The following SLX4IP variants were observed in gnomAD, a reference collection of about 807,000 sequenced individuals.
SLX4IP encodes the protein SLX4 interacting protein.
SLX4IP carries 34 observed loss-of-function variants against 32.9 expected under a neutral mutation model. The ratio of observed to expected loss-of-function variants is 1.03; its 90% CI spans 0.79 to 1.38. SLX4IP has a LOEUF of 1.38. Ranked by LOEUF, SLX4IP falls within the 40% of genes most tolerant of loss-of-function variation. The pLI is 0.00. For missense variants in SLX4IP, 444 were observed against 479.0 expected (o/e 0.93, Z 0.68); for synonymous variants, 172 against 171.7 (o/e 1.00, Z -0.01).
chr20:10,497,277 T>C (rs551050120), intron 2 of SLX4IP, among the ~76,000 whole-genome samples: 118 of 152,306 alleles, frequency 7.7e-4, no homozygotes, highest in African/African-American at 2.8e-3. Flanking sequence ...TCAACAGATA[T>C]TTTCTGTGAA....
rs2067161802 is a variant in SLX4IP at position 10,625,445 on chromosome 20, C to T, written c.*2066C>T. 6.6e-6 allele frequency: 1 copy of T among 152,198 alleles called. No individual in the cohort carries two copies. The highest frequency in any genetic ancestry group is 1.5e-5 in the Non-Finnish European group (1 of 68,044). 9.4% of individuals were successfully genotyped at this position (152,198 alleles called of 1,614,324 possible). ...TATTTGAGCTGGAGCCACCAGAGAA[C>T]ATTTCTATTGAGAAGTTTTTATTTG... is the stretch of plus-strand genomic sequence containing the variant. On this transcript the variant is annotated 3_prime_UTR_variant, in exon 8 of 8. Coordinates refer to ENST00000334534, the MANE Select transcript of SLX4IP (RefSeq NM_001009608.3).
At chr20:10,524,997 A>C (rs537780813) in intron 2 of SLX4IP, among the ~76,000 whole-genome samples, 9 of 152,036 alleles carry the variant, frequency 5.9e-5, no homozygotes, top group Non-Finnish European at 1.3e-4. Flanking sequence ...CTCTGCACCT[A>C]TCCTCCCCTT....
intron 7 of SLX4IP, 67 bp from the exon 8 acceptor site, chr20:10,622,592 A>T: frequency 6.6e-7 from 1 of 1,522,658 alleles, no homozygotes; most frequent in South Asian, 1.3e-5. Context: ...AATGTGGTAG[A>T]GGGAATCTGG....
At chr20:10,463,329 A>G (rs927605527) in intron 2 of SLX4IP, among the ~76,000 whole-genome samples, 6 of 152,178 alleles carry the variant, frequency 3.9e-5, no homozygotes, top group Admixed American at 2.0e-4. Flanking sequence ...TATGGAAGGC[A>G]ATTGTGTTCC....
chr20:10,498,827 T>A (rs949265096), intron 2 of SLX4IP, among the ~76,000 whole-genome samples: 2 of 152,028 alleles, frequency 1.3e-5, no homozygotes, highest in African/African-American at 4.8e-5. Context: ...CTCTAATTTT[T>A]AAAAATTTCC....
chr20:10,523,302 A>G (rs1347589951), intron 2 of SLX4IP, among the ~76,000 whole-genome samples: 1 of 152,166 alleles, frequency 6.6e-6, no homozygotes, highest in Non-Finnish European at 1.5e-5. Context: ...ATTTGTTTCT[A>G]ATGATAAAAG....
chr20:10,552,938 A>G (rs958530119), intron 2 of SLX4IP, among the ~76,000 whole-genome samples: 3 of 152,034 alleles, frequency 2.0e-5, no homozygotes. Flanking sequence ...TTAGATTAAA[A>G]AATCAGGAAA....
Position 10,622,665 on chromosome 20 carries a change from A to G in SLX4IP, c.513A>G (p.Lys171=). 1 of 1,605,392 alleles carries G rather than the reference A, an allele frequency of 6.2e-7. No individual in the cohort carries two copies. The highest frequency in any genetic ancestry group is 8.5e-7 in the Non-Finnish European group (1 of 1,176,400). ...TCATTTTTGTTTGTTTCAGTGTGAA[A>G]AGAACTGAAACAAAAAGCAGTGTCA... ...LRRNALKEIV[K]RTETKSSVTS... is the part of the protein sequence containing the mutation. Residue 171 remains lysine, a synonymous_variant, in exon 8 of 8, where the codon AAA becomes AAG. Transcript: ENST00000334534.
At chr20:10,485,506 A>G (rs1486328889) in intron 2 of SLX4IP, among the ~76,000 whole-genome samples, 1 of 151,992 alleles carries the variant, frequency 6.6e-6, no homozygotes, top group East Asian at 1.9e-4. Context: ...AATCCCAGCT[A>G]CTCAGAAGAC....
At chr20:10,567,676 A>C (rs766467275) in intron 4 of SLX4IP, among the ~76,000 whole-genome samples, 4 of 152,204 alleles carry the variant, frequency 2.6e-5, no homozygotes, top group African/African-American at 7.2e-5. Flanking sequence ...CACTCTATAT[A>C]ACTTTTCCCC....
chr20:10,501,102 C>A (rs971435411), intron 2 of SLX4IP, among the ~76,000 whole-genome samples: 2 of 152,102 alleles, frequency 1.3e-5, no homozygotes, highest in African/African-American at 4.8e-5. Flanking sequence ...GAAAATAAAT[C>A]GCGAAAGTTC....
intron 6 of SLX4IP, among the ~76,000 whole-genome samples, chr20:10,609,352 C>T (rs151215225): frequency 6.4e-4 from 97 of 152,324 alleles, no homozygotes; most frequent in African/African-American, 2.3e-3. Flanking sequence ...AGTGTCATAA[C>T]GGGATGAGGT....
Position 10,626,199 on chromosome 20 carries a change from T to A in SLX4IP, c.*2820T>A, listed in dbSNP as rs1438282833. On this transcript the variant is annotated 3_prime_UTR_variant, in exon 8 of 8. Coordinates refer to ENST00000334534, the MANE Select transcript of SLX4IP (RefSeq NM_001009608.3). ...CCGGCTAATTTTTTGTATTTTTTTT[T>A]TTTTTTTTTTTTTTTTAGCAGAAAC... 2 of 144,298 alleles carry A rather than the reference T, an allele frequency of 1.4e-5. No homozygotes were observed. The highest frequency in any genetic ancestry group is 3.1e-5 in the Non-Finnish European group (2 of 65,570). The allele number at this position is 144,298 out of a possible 1,614,324, so 8.9% of individuals were successfully genotyped here.
At chr20:10,438,328 A>T (rs1435293585) in intron 1 of SLX4IP, among the ~76,000 whole-genome samples, 2 of 152,030 alleles carry the variant, frequency 1.3e-5, no homozygotes, top group Admixed American at 1.3e-4. Context: ...CAGTGAAACC[A>T]TCACCTCATC....
chr20:10,610,787 T>G, intron 6 of SLX4IP, among the ~76,000 whole-genome samples: 1 of 152,244 alleles, frequency 6.6e-6, no homozygotes, highest in East Asian at 1.9e-4. Context: ...GCTTGTGTGT[T>G]TCCATCTTTT....
intron 4 of SLX4IP, among the ~76,000 whole-genome samples, chr20:10,580,776 T>C (rs2066576111): frequency 6.6e-6 from 1 of 152,142 alleles, no homozygotes; most frequent in Non-Finnish European, 1.5e-5. Context: ...AACCATTTCC[T>C]GTTCATACTG....
intron 4 of SLX4IP, among the ~76,000 whole-genome samples, chr20:10,586,140 T>C (rs1312556197): frequency 2.6e-5 from 4 of 152,208 alleles, no homozygotes; most frequent in African/African-American, 9.6e-5. Flanking sequence ...TATCTCTCTC[T>C]CTTGTTAGTC....
chr20:10,502,646 T>C (rs1239803847), intron 2 of SLX4IP, among the ~76,000 whole-genome samples: 1 of 151,862 alleles, frequency 6.6e-6, no homozygotes, highest in East Asian at 1.9e-4. Context: ...ATTTTCTCTT[T>C]GAGGCTTTCC....
intron 2 of SLX4IP, among the ~76,000 whole-genome samples, chr20:10,462,112 G>A (rs188427022): frequency 8.4e-4 from 128 of 152,166 alleles, no homozygotes; most frequent in African/African-American, 2.6e-3. Context: ...ATATGATAAA[G>A]TATGGGGCAA....
Sources: gnomAD v4.1 joint callset for allele counts (sites outside exome capture counted in the v4.1 genomes callset) on GRCh38, gnomAD v4.1.1 for gene constraint, MANE v1.5 for transcripts, NCBI Gene and HGNC (gene_info 2026-07-23, HGNC 2026-07-21) for gene names.